The following DLGAP2 variants were observed in gnomAD, a reference collection of about 807,000 sequenced individuals.
DLGAP2 encodes disks large-associated protein 2.
In DLGAP2, 26 loss-of-function variants were observed where a neutral mutation model predicts 100.3. That is an observed-to-expected ratio of 0.26 (90% CI 0.19 to 0.36). DLGAP2 has a LOEUF of 0.36. Among genes scored for constraint, DLGAP2 ranks in the 10% least tolerant of loss-of-function variants. The probability of loss-of-function intolerance (pLI) is 1.00; values close to 1 mark genes in which losing one functional copy is unlikely to be tolerated. For synonymous variants in DLGAP2, 886 were observed against 630.1 expected (o/e 1.41, Z -6.08); for missense variants, 1,858 against 1,453.2 (o/e 1.28, Z -4.53).
chr8:1,491,763 G>C (rs1799397799), intron 3 of DLGAP2, among the ~76,000 whole-genome samples: 1 of 152,242 alleles, frequency 6.6e-6, no homozygotes, highest in African/African-American at 2.4e-5. Context: ...ATAAGAAATA[G>C]TGTGCCTTTC....
intron 6 of DLGAP2, among the ~76,000 whole-genome samples, chr8:1,581,779 G>A (rs561929796): frequency 4.0e-5 from 6 of 150,472 alleles, no homozygotes; most frequent in Admixed American, 3.3e-4. Flanking sequence ...TACCACAAGT[G>A]AACGATACAG....
intron 6 of DLGAP2, among the ~76,000 whole-genome samples, chr8:1,575,190 G>C (rs945674787): frequency 1.3e-5 from 2 of 152,192 alleles, no homozygotes; most frequent in East Asian, 3.8e-4. Flanking sequence ...TGATGACAGA[G>C]GTTGACTCTG....
intron 2 of DLGAP2, among the ~76,000 whole-genome samples, chr8:988,630 CCTT>C (rs1197265412): frequency 5.3e-5 from 8 of 152,132 alleles, no homozygotes; most frequent in Non-Finnish European, 1.0e-4. Context: ...CCCACGTGGA[CCTT>C]CTCTCCTGGG....
intron 2 of DLGAP2, among the ~76,000 whole-genome samples, chr8:1,018,281 T>C (rs6559202): frequency 0.62 from 93,946 of 152,044 alleles, 29,253 homozygotes; most frequent in Admixed American, 0.66. Context: ...TCTTTGAACA[T>C]TGATTCCGGC....
chr8:962,624 G>C (rs1157436540), intron 2 of DLGAP2, among the ~76,000 whole-genome samples: 1 of 152,120 alleles, frequency 6.6e-6, no homozygotes, highest in Non-Finnish European at 1.5e-5. Flanking sequence ...AGGGGAGTGG[G>C]AAACCAACCC....
intron 6 of DLGAP2, among the ~76,000 whole-genome samples, chr8:1,611,659 A>C (rs907198265): frequency 1.8e-4 from 1 of 5,648 alleles, no homozygotes; most frequent in Non-Finnish European, 2.5e-4. Context: ...TCAGCCCAAA[A>C]TCTCCTTAAG....
intron 1 of DLGAP2, among the ~76,000 whole-genome samples, chr8:837,321 G>A (rs1200174649): frequency 2.0e-5 from 3 of 152,222 alleles, no homozygotes; most frequent in Non-Finnish European, 4.4e-5. Flanking sequence ...TAAGGAGTGT[G>A]TCATTCATCT....
rs117259622 is a variant in DLGAP2 at position 1,653,018 on chromosome 8, C to A, written c.1811-15311C>A. ...ACCCAGAGGACTGTCATGGGCCTTTCTCTATTTTGTTAGAAGCTCTTCATT... is the reference window on the plus strand; with the variant it reads ...ACCCAGAGGACTGTCATGGGCCTTTATCTATTTTGTTAGAAGCTCTTCATT... On this transcript the variant is annotated intron_variant, in intron 8 of 14. Transcript: ENST00000637795. 9.2e-3 allele frequency among the ~76,000 whole-genome samples: 1,398 copies of A among 152,298 alleles called. 14 individuals carry two copies. Among genetic ancestry groups the A allele is most frequent in the Non-Finnish European group, 0.013 (894 of 68,024 alleles).
chr8:1,036,669 T>C (rs1802134706), intron 2 of DLGAP2, among the ~76,000 whole-genome samples: 1 of 152,048 alleles, frequency 6.6e-6, no homozygotes, highest in Non-Finnish European at 1.5e-5. Context: ...CCGTGCACCC[T>C]AGAGAGCAGC....
chr8:1,358,809 C>G (rs1457526965), intron 3 of DLGAP2, among the ~76,000 whole-genome samples: 3 of 151,206 alleles, frequency 2.0e-5, no homozygotes, highest in Non-Finnish European at 4.5e-5. Flanking sequence ...ACTGCCTGAT[C>G]AGGCCACGTT....
chr8:852,564 T>C (rs899986373), intron 1 of DLGAP2, among the ~76,000 whole-genome samples: 6 of 151,812 alleles, frequency 4.0e-5, no homozygotes, highest in African/African-American at 1.5e-4. Context: ...TGTCTGATTG[T>C]GGTAAATGAG....
rs150266240 is a variant in DLGAP2, at chr8:1,348,842, C to G, written c.106+89959C>G. Among the ~76,000 whole-genome samples the G allele has an allele frequency of 2.0e-5, 3 of 152,232 alleles. No individual in the cohort carries two copies. In the East Asian group the frequency reaches 5.8e-4, roughly 29 times the overall value. On this transcript the variant is annotated intron_variant, in intron 3 of 14. Transcript: ENST00000637795. ...CCAGCCAGTATCAGTCCCCACCTCA[C>G]GTTGGCTGCTTCCCCATCCATGTCC...
rs1250229921 is a variant in DLGAP2, at chr8:1,267,603, T to TAAAATAAAATAAAATAAAATAAAATAA, written c.106+8722_106+8723insAATAAAATAAAATAAAATAAAATAAAA. Among the ~76,000 whole-genome samples, 2 of 68,450 alleles carry TAAAATAAAATAAAATAAAATAAAATAA rather than the reference T, an allele frequency of 2.9e-5. 1 individual carries two copies. The highest frequency in any genetic ancestry group is 1.8e-4 in the African/African-American group (2 of 10,962). 44.9% of individuals were successfully genotyped at this position (68,450 alleles called of 152,430 possible). On this transcript the variant is annotated intron_variant, in intron 3 of 14. Coordinates refer to ENST00000637795, the MANE Select transcript of DLGAP2 (RefSeq NM_001346810.2). Reference sequence around the variant, plus strand: ...TAAAATAAAATAAGATAAGATAAGATAAGATAAGATAAGATAAGATAAATA... The same window carrying TAAAATAAAATAAAATAAAATAAAATAA: ...TAAAATAAAATAAGATAAGATAAGATAAAATAAAATAAAATAAAATAAAATAAAAGATAAGATAAGATAAGATAAATA...
chr8:1,182,528 G>A (rs929224094), intron 2 of DLGAP2, among the ~76,000 whole-genome samples: 3 of 152,206 alleles, frequency 2.0e-5, no homozygotes, highest in South Asian at 2.1e-4. Context: ...ATGCTCACAC[G>A]TGTGATGTCT....
intron 2 of DLGAP2, among the ~76,000 whole-genome samples, chr8:1,136,790 A>G (rs763767564): frequency 3.9e-5 from 6 of 152,356 alleles, no homozygotes; most frequent in Non-Finnish European, 5.9e-5. Flanking sequence ...TTGGTGGTGC[A>G]GGTGCGCCTA....
intron 5 of DLGAP2, among the ~76,000 whole-genome samples, chr8:1,554,871 G>T (rs377467280): frequency 6.6e-6 from 1 of 151,054 alleles, no homozygotes; most frequent in African/African-American, 2.4e-5. Context: ...AAAACCAATA[G>T]TTCTAACAAG....
intron 2 of DLGAP2, among the ~76,000 whole-genome samples, chr8:1,140,727 T>A (rs1488230758): frequency 1.3e-5 from 2 of 152,166 alleles, no homozygotes; most frequent in African/African-American, 4.8e-5. Flanking sequence ...ATCCCAGCAC[T>A]TTGGGAGGCT....
At chr8:1,697,328 C>T (rs1406998170) in intron 14 of DLGAP2, 29 bp downstream of exon 14, 4 of 1,561,062 alleles carry the variant, frequency 2.6e-6, no homozygotes, top group Non-Finnish European at 3.5e-6. Context: ...GGCCGGCTCC[C>T]AGCAAACCCC....
intron 2 of DLGAP2, among the ~76,000 whole-genome samples, chr8:987,037 C>T (rs766535012): frequency 4.1e-4 from 63 of 152,172 alleles, no homozygotes; most frequent in Admixed American, 2.1e-3. Context: ...TGGAGCAAAT[C>T]CCTGGTGAAA....
Sources: allele counts gnomAD v4.1 joint callset (sites outside exome capture counted in the v4.1 genomes callset), GRCh38; gene constraint gnomAD v4.1.1; transcripts MANE v1.5; gene names NCBI Gene and HGNC (gene_info 2026-07-23, HGNC 2026-07-21).